Variants in TMEM108 observed in about 807,000 individuals in gnomAD.
TMEM108 encodes cancer/testis antigen 124.
Under a neutral mutation model 35.1 loss-of-function variants are expected in TMEM108, and 12 were observed. The observed-to-expected ratio is 0.34, with a 90% confidence interval of 0.22 to 0.55. The LOEUF is 0.55. TMEM108 is among the 20% of genes least tolerant of loss of function. The probability of loss-of-function intolerance (pLI) is 0.89; values close to 1 mark genes in which losing one functional copy is unlikely to be tolerated. For synonymous variants in TMEM108, 287 were observed against 308.6 expected, an observed-to-expected ratio of 0.93 and a Z score of 0.73; for missense variants, 680 against 753.3, an observed-to-expected ratio of 0.90 and a Z score of 1.14.
intron 2 of TMEM108, among the ~76,000 whole-genome samples, chr3:133,148,651 A>G (rs755291501): frequency 3.3e-5 from 5 of 152,164 alleles, no homozygotes; most frequent in Non-Finnish European, 7.3e-5. Flanking sequence ...GATAGCAGTC[A>G]TTCAAGAGAG....
chr3:133,203,905 G>C (rs1422636236), intron 2 of TMEM108, among the ~76,000 whole-genome samples: 1 of 152,158 alleles, frequency 6.6e-6, no homozygotes, highest in Non-Finnish European at 1.5e-5. Flanking sequence ...GTAAAATTCA[G>C]CTGTGACTCC....
chr3:133,379,545 C>T (rs554347081), intron 3 of TMEM108, among the ~76,000 whole-genome samples: 2 of 152,218 alleles, frequency 1.3e-5, no homozygotes, highest in South Asian at 2.1e-4. Flanking sequence ...GTCTCTCTTT[C>T]CAGCAGGTAC....
chr3:133,067,741 A>G (rs1576301154), intron 2 of TMEM108, among the ~76,000 whole-genome samples: 1 of 152,184 alleles, frequency 6.6e-6, no homozygotes, highest in Admixed American at 6.5e-5. Flanking sequence ...TTAAAATGCT[A>G]TGAAGGGAAC....
chr3:133,095,680 T>A (rs1944003290), intron 2 of TMEM108, among the ~76,000 whole-genome samples: 2 of 152,102 alleles, frequency 1.3e-5, no homozygotes, highest in South Asian at 4.2e-4. Flanking sequence ...GCATGCACAA[T>A]TCACAATAGG....
chr3:133,356,223 A>G (rs1295170149), intron 3 of TMEM108, among the ~76,000 whole-genome samples: 2 of 151,622 alleles, frequency 1.3e-5, no homozygotes, highest in Non-Finnish European at 2.9e-5. Flanking sequence ...CACTTTTACA[A>G]CAGCTGAAAA....
chr3:133,320,023 T>A (rs752770948), intron 3 of TMEM108, among the ~76,000 whole-genome samples: 12 of 152,156 alleles, frequency 7.9e-5, no homozygotes, highest in Non-Finnish European at 1.5e-4. Context: ...ATCCCAGCAT[T>A]TTGGGAGGCT....
chr3:133,137,415 T>C (rs1944580137), intron 2 of TMEM108, among the ~76,000 whole-genome samples: 1 of 152,170 alleles, frequency 6.6e-6, no homozygotes, highest in Non-Finnish European at 1.5e-5. Context: ...CACCCAGGTG[T>C]TATCCCTTGA....
intron 3 of TMEM108, among the ~76,000 whole-genome samples, chr3:133,288,989 G>A (rs1452165727): frequency 1.3e-5 from 2 of 152,086 alleles, no homozygotes; most frequent in African/African-American, 4.8e-5. Context: ...GCTTGCCTCG[G>A]CCTCCCAAAG....
At chr3:133,297,635 T>TA (rs1947164312) in intron 3 of TMEM108, among the ~76,000 whole-genome samples, 1 of 152,106 alleles carries the variant, frequency 6.6e-6, no homozygotes, top group Non-Finnish European at 1.5e-5. Flanking sequence ...AGATTCTCAG[T>TA]CACTTCAGCA....
intron 2 of TMEM108, among the ~76,000 whole-genome samples, chr3:133,153,695 T>C (rs1005524504): frequency 4.6e-5 from 7 of 152,150 alleles, no homozygotes; most frequent in African/African-American, 1.4e-4. Flanking sequence ...AAAATCTGCC[T>C]TTGGGGAAAT....
intron 4 of TMEM108, among the ~76,000 whole-genome samples, chr3:133,385,414 G>C (rs940562744): frequency 6.6e-6 from 1 of 152,140 alleles, no homozygotes; most frequent in African/African-American, 2.4e-5. Context: ...TCCCCAAGAG[G>C]GCCGTGGGCT....
At chr3:133,269,389 G>T (rs749630435) in intron 3 of TMEM108, among the ~76,000 whole-genome samples, 3 of 152,140 alleles carry the variant, frequency 2.0e-5, no homozygotes, top group Non-Finnish European at 4.4e-5. Flanking sequence ...GGTGGCTAAT[G>T]ATTTCAGACC....
chr3:133,352,402 G>A (rs1029610385), intron 3 of TMEM108, among the ~76,000 whole-genome samples: 1 of 152,180 alleles, frequency 6.6e-6, no homozygotes, highest in Non-Finnish European at 1.5e-5. Flanking sequence ...CACCAACTGG[G>A]TGTTCTACAA....
At chr3:133,192,908 CTGTGTG>C (rs113164836) in intron 2 of TMEM108, 2 of 150,668 alleles carry the variant, frequency 1.3e-5, no homozygotes, top group Admixed American at 6.6e-5. Context: ...GAAGTTTACA[CTGTGTG>C]TGTGTGTGTG....
chr3:133,368,477 T>C (rs2107808460), intron 3 of TMEM108, among the ~76,000 whole-genome samples: 1 of 152,246 alleles, frequency 6.6e-6, no homozygotes, highest in South Asian at 2.1e-4. Flanking sequence ...GCGGGAGCAA[T>C]TGTGGAATGA....
rs114246728 is a variant in TMEM108 at position 133,076,648 on chromosome 3, A to C, written c.-47+30628A>C. Among the ~76,000 whole-genome samples the C allele has an allele frequency of 8.4e-3, 1,279 of 152,314 alleles. 17 individuals are homozygous for C. The highest frequency in any genetic ancestry group is 9.9e-3 in the Non-Finnish European group (671 of 68,034). On this transcript the variant is annotated intron_variant, in intron 2 of 5. Transcript: ENST00000321871. Reference sequence around the variant, plus strand: ...TTAAATTATTCTCTCAGATTTTTCTAGTGTAAATAGGTTGAGAATATTAGA... The same window carrying C: ...TTAAATTATTCTCTCAGATTTTTCTCGTGTAAATAGGTTGAGAATATTAGA...
At chr3:133,223,147 T>C (rs1257259678) in intron 2 of TMEM108, among the ~76,000 whole-genome samples, 2 of 152,360 alleles carry the variant, frequency 1.3e-5, no homozygotes, top group East Asian at 1.9e-4. Context: ...TTTCTTTGAT[T>C]GTTCCTCATC....
chr3:133,075,183 A>G (rs1393386964), intron 2 of TMEM108, among the ~76,000 whole-genome samples: 3 of 152,160 alleles, frequency 2.0e-5, no homozygotes, highest in Non-Finnish European at 2.9e-5. Context: ...CCCACAAACA[A>G]TACTGCTGTC....
intron 3 of TMEM108, chr3:133,303,483 G>T (rs1947260008): frequency 6.6e-6 from 1 of 152,130 alleles, no homozygotes; most frequent in South Asian, 2.1e-4. Context: ...AAATCAGTGT[G>T]ATTTAATAAG....
Sources: allele counts gnomAD v4.1 joint callset (sites outside exome capture counted in the v4.1 genomes callset), GRCh38; gene constraint gnomAD v4.1.1; transcripts MANE v1.5; gene names NCBI Gene and HGNC (gene_info 2026-07-23, HGNC 2026-07-21).